The following SPIDR variants were observed in gnomAD, a reference collection of about 807,000 sequenced individuals.
SPIDR encodes the protein DNA repair-scaffolding protein.
Under a neutral mutation model 104.6 loss-of-function variants are expected in SPIDR, and 93 were observed. The ratio of observed to expected loss-of-function variants is 0.89; its 90% CI spans 0.75 to 1.06. SPIDR has a LOEUF of 1.06. Among genes scored for constraint, SPIDR ranks in the 50% least tolerant of loss-of-function variants. SPIDR has a pLI of 0.00. For synonymous variants in SPIDR, 431 were observed against 416.9 expected (o/e 1.03, Z -0.41); for missense variants, 1,154 against 1,111.2 (o/e 1.04, Z -0.55).
intron 5 of SPIDR, among the ~76,000 whole-genome samples, chr8:47,325,278 C>G (rs1319061850): frequency 6.6e-6 from 1 of 152,072 alleles, no homozygotes; most frequent in Non-Finnish European, 1.5e-5. Context: ...GAAGAGAACA[C>G]AAGGTTGGTT....
At chr8:47,510,885 C>G in intron 8 of SPIDR, 1 of 447,078 alleles carries the variant, frequency 2.2e-6, no homozygotes, top group Non-Finnish European at 4.0e-6. Context: ...AACAAATGTT[C>G]AACCAACACC....
intron 8 of SPIDR, among the ~76,000 whole-genome samples, chr8:47,472,052 A>C (rs1554721400): frequency 1.3e-5 from 2 of 152,226 alleles, no homozygotes; most frequent in Non-Finnish European, 2.9e-5. Context: ...ATGCCGGTAC[A>C]TTGCCCAATT....
chr8:47,337,515 G>A (rs1554610512), intron 5 of SPIDR, among the ~76,000 whole-genome samples: 1 of 151,208 alleles, frequency 6.6e-6, no homozygotes, highest in African/African-American at 2.4e-5. Flanking sequence ...TGTATGATTT[G>A]TAAATATTTT....
At chr8:47,458,868 A>G (rs568841921) in intron 8 of SPIDR, among the ~76,000 whole-genome samples, 1 of 152,206 alleles carries the variant, frequency 6.6e-6, no homozygotes, top group South Asian at 2.1e-4. Flanking sequence ...CTTTTGTGAA[A>G]TGCTTTATTT....
chr8:47,465,340 G>A (rs573276177), intron 8 of SPIDR, among the ~76,000 whole-genome samples: 2 of 151,982 alleles, frequency 1.3e-5, no homozygotes, highest in South Asian at 2.1e-4. Flanking sequence ...CCATCATGAT[G>A]ACAGGATCAG....
intron 5 of SPIDR, among the ~76,000 whole-genome samples, chr8:47,363,716 T>G (rs2056625196): frequency 6.6e-6 from 1 of 152,104 alleles, no homozygotes; most frequent in African/African-American, 2.4e-5. Context: ...GATTTTGCCA[T>G]CCATAGAACT....
chr8:47,605,227 C>A (rs2062791419), intron 10 of SPIDR, among the ~76,000 whole-genome samples: 1 of 152,184 alleles, frequency 6.6e-6, no homozygotes, highest in South Asian at 2.1e-4. Flanking sequence ...TCGTGGCAAG[C>A]GCTCAGGATG....
chr8:47,485,621 C>A (rs1554730601), intron 8 of SPIDR, among the ~76,000 whole-genome samples: 2 of 152,204 alleles, frequency 1.3e-5, no homozygotes, highest in African/African-American at 4.8e-5. Flanking sequence ...GAGACTGACA[C>A]CTAACACCTG....
intron 10 of SPIDR, among the ~76,000 whole-genome samples, chr8:47,659,988 GCA>G (rs1364436097): frequency 5.9e-5 from 9 of 152,328 alleles, no homozygotes; most frequent in African/African-American, 1.9e-4. Context: ...GCGTGCGCAG[GCA>G]CACACGTTTG....
intron 16 of SPIDR, among the ~76,000 whole-genome samples, chr8:47,721,324 G>A (rs1563661679): frequency 6.6e-6 from 1 of 152,048 alleles, no homozygotes; most frequent in Non-Finnish European, 1.5e-5. Flanking sequence ...AAATCTAGTT[G>A]TTCTGGCACC....
chr8:47,399,607 G>A (rs1356946632), intron 6 of SPIDR, among the ~76,000 whole-genome samples: 2 of 152,208 alleles, frequency 1.3e-5, no homozygotes, highest in Non-Finnish European at 2.9e-5. Context: ...CTGTTGGGAA[G>A]TCGTGGTCAT....
intron 10 of SPIDR, among the ~76,000 whole-genome samples, chr8:47,630,925 AC>A (rs2066966137): frequency 6.6e-6 from 1 of 152,114 alleles, no homozygotes; most frequent in Non-Finnish European, 1.5e-5. Context: ...AAGGCACAGT[AC>A]CCCTGTAACA....
At chr8:47,653,772 A>G (rs956359171) in intron 10 of SPIDR, among the ~76,000 whole-genome samples, 15 of 152,250 alleles carry the variant, frequency 9.9e-5, no homozygotes, top group Non-Finnish European at 1.9e-4. Flanking sequence ...AAGAAATAAG[A>G]TTCCTGCCTT....
chr8:47,324,979 C>A (rs576043475), intron 5 of SPIDR, among the ~76,000 whole-genome samples: 1 of 152,154 alleles, frequency 6.6e-6, no homozygotes, highest in South Asian at 2.1e-4. Flanking sequence ...GTGTGTCCCT[C>A]CCCCTTCTTA....
At chr8:47,381,437 A>G (rs1465505849) in intron 5 of SPIDR, among the ~76,000 whole-genome samples, 1 of 152,100 alleles carries the variant, frequency 6.6e-6, no homozygotes, top group Non-Finnish European at 1.5e-5. Flanking sequence ...TCCTTAAAAC[A>G]GTGGTTTGTA....
At chr8:47,734,764 A>G (rs2085893769) in intron 19 of SPIDR, among the ~76,000 whole-genome samples, 1 of 152,160 alleles carries the variant, frequency 6.6e-6, no homozygotes, top group African/African-American at 2.4e-5. Flanking sequence ...TCTCATCTGG[A>G]GACGAAACTC....
intron 10 of SPIDR, among the ~76,000 whole-genome samples, chr8:47,627,383 T>TATA (rs1315557522): frequency 6.6e-6 from 1 of 151,944 alleles, no homozygotes; most frequent in Non-Finnish European, 1.5e-5. Flanking sequence ...AAACTTAAAG[T>TATA]ATAATAATAA....
chr8:47,432,381 A>G lies in SPIDR; in HGVS notation c.878-7942A>G, dbSNP rs193078449. On this transcript the variant is annotated intron_variant, in intron 7 of 19. Coordinates refer to ENST00000297423, the MANE Select transcript of SPIDR (RefSeq NM_001080394.4). ...TATTCTCTGGGTACACGCAAAGTGC[A>G]GTTGAGATGAAGGGGAGATGGGTCA... 5.5e-4 allele frequency among the ~76,000 whole-genome samples: 84 copies of G among 152,314 alleles called. 1 individual carries two copies. Among genetic ancestry groups the G allele is most frequent in the African/African-American group, 1.9e-3 (78 of 41,578 alleles).
At chr8:47,424,164 G>A (rs2066036129) in intron 7 of SPIDR, among the ~76,000 whole-genome samples, 1 of 152,198 alleles carries the variant, frequency 6.6e-6, no homozygotes, top group African/African-American at 2.4e-5. Context: ...GGGCAGGTCT[G>A]GGCAGAACTG....
Sources: allele counts gnomAD v4.1 joint callset (sites outside exome capture counted in the v4.1 genomes callset), GRCh38; gene constraint gnomAD v4.1.1; transcripts MANE v1.5; gene names NCBI Gene and HGNC (gene_info 2026-07-23, HGNC 2026-07-21).